PARP8: variants seen among roughly 807,000 people sequenced by gnomAD.
The protein encoded by PARP8 is protein mono-ADP-ribosyltransferase PARP8.
A neutral mutation model predicts 124.1 loss-of-function variants in PARP8; 51 were observed. The observed-to-expected ratio is 0.41, with a 90% CI of 0.33 to 0.52. PARP8 has a LOEUF of 0.52. PARP8 is among the 20% of genes least tolerant of loss of function. PARP8 has a pLI of 0.21. For synonymous variants in PARP8, 391 were observed against 361.5 expected, an observed-to-expected ratio of 1.08 and a Z score of -0.93; for missense variants, 860 against 1,018.9, an observed-to-expected ratio of 0.84 and a Z score of 2.12.
chr5:50,670,773 G>T (rs1749918850), intron 2 of PARP8, among the ~76,000 whole-genome samples: 1 of 152,176 alleles, frequency 6.6e-6, no homozygotes, highest in African/African-American at 2.4e-5. Context: ...ACACTCCTGA[G>T]ACCTCCTTCT....
chr5:50,840,939 C>T (rs1007002709), intron 25 of PARP8, among the ~76,000 whole-genome samples: 14 of 151,858 alleles, frequency 9.2e-5, no homozygotes, highest in African/African-American at 3.4e-4. Flanking sequence ...AATAGACAAC[C>T]TTGGGTCATT....
In PARP8 at chr5:50,841,827, A is replaced by AAAT. The variant is rs1301980580; in HGVS notation, c.2463-137_2463-135dup. On this transcript the variant is annotated intron_variant, in intron 25 of 25. Transcript: ENST00000281631. Reference sequence around the variant, plus strand: ...TGTTTCGCAATGAGAACACATTGTTAAATACACCTGAAAAACAACCGTATA... The same window carrying AAAT: ...TGTTTCGCAATGAGAACACATTGTTAAATAATACACCTGAAAAACAACCGTATA... 6.0e-5 allele frequency: 34 copies of AAAT among 562,950 alleles called. 1 individual carries two copies. In the East Asian group the frequency reaches 1.0e-3, roughly 17 times the overall value. 34.9% of individuals were successfully genotyped at this position (562,950 alleles called of 1,614,324 possible).
intron 2 of PARP8, among the ~76,000 whole-genome samples, chr5:50,726,768 C>A (rs1388938310): frequency 6.6e-6 from 1 of 152,098 alleles, no homozygotes; most frequent in African/African-American, 2.4e-5. Flanking sequence ...GGTCTAGGGC[C>A]TGTCAACTGT....
intron 14 of PARP8, among the ~76,000 whole-genome samples, chr5:50,813,115 T>C (rs977150644): frequency 3.9e-5 from 6 of 152,210 alleles, no homozygotes; most frequent in African/African-American, 1.2e-4. Context: ...AGTAGTTTTT[T>C]CCAATTCTGT....
chr5:50,793,812 T>A (rs1014068114), intron 10 of PARP8, among the ~76,000 whole-genome samples: 1 of 152,062 alleles, frequency 6.6e-6, no homozygotes, highest in African/African-American at 2.4e-5. Context: ...AAAATTTTCT[T>A]AAAAGTTGAT....
intron 23 of PARP8, chr5:50,833,485 AAAG>A: frequency 2.3e-6 from 1 of 429,456 alleles, no homozygotes; most frequent in Non-Finnish European, 4.6e-6. Flanking sequence ...AAATTTAAAA[AAAG>A]AGAGTATAGC....
chr5:50,681,572 T>A (rs1751295429), intron 2 of PARP8, among the ~76,000 whole-genome samples: 1 of 152,170 alleles, frequency 6.6e-6, no homozygotes, highest in Non-Finnish European at 1.5e-5. Context: ...TCTAGGAACT[T>A]CATATAAAAT....
At chr5:50,835,308 C>T (rs541086371) in intron 25 of PARP8, among the ~76,000 whole-genome samples, 4 of 152,240 alleles carry the variant, frequency 2.6e-5, no homozygotes, top group East Asian at 3.9e-4. Context: ...TTTGGGAAGC[C>T]GAGGCGGGTG....
chr5:50,672,494 T>G (rs1218349112), intron 2 of PARP8, among the ~76,000 whole-genome samples: 1 of 152,208 alleles, frequency 6.6e-6, no homozygotes, highest in East Asian at 1.9e-4. Flanking sequence ...TCACTTGCAG[T>G]GGAATTTCAT....
At chr5:50,829,738 A>G (rs1215290258) in intron 21 of PARP8, among the ~76,000 whole-genome samples, 154 bp from the exon 22 acceptor site, 1 of 152,200 alleles carries the variant, frequency 6.6e-6, no homozygotes, top group Admixed American at 6.5e-5. Context: ...AAGCACAAGG[A>G]TATTAGTACT....
chr5:50,707,569 C>T (rs1444865762), intron 2 of PARP8, among the ~76,000 whole-genome samples: 2 of 149,594 alleles, frequency 1.3e-5, no homozygotes, highest in East Asian at 2.0e-4. Flanking sequence ...GAAGATTTAC[C>T]CTTTGGAAGA....
At chr5:50,825,318 A>T (rs1746222643) in intron 18 of PARP8, among the ~76,000 whole-genome samples, 1 of 152,206 alleles carries the variant, frequency 6.6e-6, no homozygotes, top group African/African-American at 2.4e-5. Context: ...TTCAGTGAGG[A>T]CTAAGTGATC....
Position 50,667,644 on chromosome 5 carries a change from C to G in PARP8, c.92-427C>G, listed in dbSNP as rs539570241. 4.1e-4 allele frequency: 289 copies of G among 699,174 alleles called. 1 individual carries two copies. In the East Asian group the frequency reaches 6.4e-3, roughly 16 times the overall value. The allele number at this position is 699,174 out of a possible 1,614,324, so 43.3% of individuals were successfully genotyped here. A position where few individuals can be genotyped will look rare whatever the true frequency, so the allele number is the denominator to read the frequency against. ...CCGAGGACCCCCGGGGGGCAGCGCT[C>G]GGCCCATCTCCGGCCCCTTCGGCTC... On this transcript the variant is annotated intron_variant, in intron 1 of 25. Coordinates refer to ENST00000281631, the MANE Select transcript of PARP8 (RefSeq NM_024615.4).
intron 23 of PARP8, chr5:50,833,286 G>A (rs1198499796): frequency 3.1e-6 from 1 of 322,560 alleles, no homozygotes. Flanking sequence ...GGATGGTCAG[G>A]AAAGGATACT....
At chr5:50,739,891 G>A (rs1004812131) in intron 2 of PARP8, among the ~76,000 whole-genome samples, 26 of 151,452 alleles carry the variant, frequency 1.7e-4, no homozygotes, top group Middle Eastern at 3.4e-3. Context: ...TGGGATTACA[G>A]GCACCCACCA....
chr5:50,754,670 A>G (rs1385782811), intron 3 of PARP8, among the ~76,000 whole-genome samples: 1 of 152,214 alleles, frequency 6.6e-6, no homozygotes, highest in Non-Finnish European at 1.5e-5. Flanking sequence ...TTATAGCAGC[A>G]TGATTTATAA....
intron 15 of PARP8, among the ~76,000 whole-genome samples, chr5:50,818,044 A>C (rs1025765648): frequency 7.9e-5 from 12 of 151,994 alleles, no homozygotes; most frequent in African/African-American, 2.9e-4. Context: ...TTGCTTCTTC[A>C]TTTGTATCAT....
intron 22 of PARP8, among the ~76,000 whole-genome samples, chr5:50,831,618 A>G (rs1419971503): frequency 6.6e-6 from 1 of 152,212 alleles, no homozygotes; most frequent in African/African-American, 2.4e-5. Context: ...TAAAAAGCTA[A>G]GAAACCAGCT....
intron 18 of PARP8, 23 bp downstream of exon 18, chr5:50,824,998 T>A: frequency 6.4e-7 from 1 of 1,574,172 alleles, no homozygotes; most frequent in Non-Finnish European, 8.7e-7. Context: ...AGTTTTCCTC[T>A]TAATGAAAAC....
Sources: gnomAD v4.1 joint callset for allele counts (sites outside exome capture counted in the v4.1 genomes callset) on GRCh38, gnomAD v4.1.1 for gene constraint, MANE v1.5 for transcripts, NCBI Gene and HGNC (gene_info 2026-07-23, HGNC 2026-07-21) for gene names.